Variants in EPB41L5 observed in about 807,000 individuals in gnomAD.
The protein encoded by EPB41L5 is erythrocyte membrane protein band 4.1 like 5.
EPB41L5 carries 55 observed loss-of-function variants against 106.6 expected under a neutral mutation model. The ratio of observed to expected loss-of-function variants is 0.52; its 90% confidence interval spans 0.42 to 0.65. EPB41L5 has a LOEUF of 0.65. EPB41L5 is among the 30% of genes least tolerant of loss of function. The pLI is 0.00. For synonymous variants in EPB41L5, 297 were observed against 306.7 expected (o/e 0.97, Z 0.33); for missense variants, 871 against 882.1 (o/e 0.99, Z 0.16).
At chr2:120,087,351 C>A in intron 11 of EPB41L5, 111 bp downstream of exon 11, 1 of 639,372 alleles carries the variant, frequency 1.6e-6, no homozygotes, top group Non-Finnish European at 2.7e-6. Flanking sequence ...CCACAGAATG[C>A]AAACAGTATA....
chr2:120,053,344 TAAAAA>T (rs962750093), intron 3 of EPB41L5, among the ~76,000 whole-genome samples: 2 of 151,950 alleles, frequency 1.3e-5, no homozygotes, highest in Non-Finnish European at 2.9e-5. Context: ...GTAGGCCACT[TAAAAA>T]AAAGACAATT....
At chr2:120,091,802 A>G (rs1683430086) in intron 13 of EPB41L5, 141 bp downstream of exon 13, 2 of 634,928 alleles carry the variant, frequency 3.1e-6, no homozygotes, top group Non-Finnish European at 5.5e-6. Context: ...GGCAGAATCA[A>G]TTTCATGGGA....
At chr2:120,122,129 T>C (rs1020916927) in intron 16 of EPB41L5, among the ~76,000 whole-genome samples, 4 of 152,252 alleles carry the variant, frequency 2.6e-5, no homozygotes, top group Non-Finnish European at 5.9e-5. Flanking sequence ...GTAGGTTGCC[T>C]GTTCACTCTG....
At chr2:120,068,576 A>C (rs1022321304) in intron 3 of EPB41L5, among the ~76,000 whole-genome samples, 1 of 152,222 alleles carries the variant, frequency 6.6e-6, no homozygotes, top group African/African-American at 2.4e-5. Context: ...CTCACAGTAT[A>C]AACAAAGCCG....
At chr2:120,060,344 CA>C (rs1680948856) in intron 3 of EPB41L5, among the ~76,000 whole-genome samples, 1 of 152,076 alleles carries the variant, frequency 6.6e-6, no homozygotes, top group Admixed American at 6.5e-5. Context: ...TTTGTAGTAG[CA>C]AAAAACTTGA....
intron 2 of EPB41L5, among the ~76,000 whole-genome samples, chr2:120,033,449 T>C (rs1678844810): frequency 6.6e-6 from 1 of 152,174 alleles, no homozygotes; most frequent in African/African-American, 2.4e-5. Flanking sequence ...GGCTCATGCC[T>C]GTAATCCCAG....
chr2:120,060,076 T>A (rs1680931406), intron 3 of EPB41L5, among the ~76,000 whole-genome samples: 1 of 152,232 alleles, frequency 6.6e-6, no homozygotes, highest in Non-Finnish European at 1.5e-5. Context: ...ACTACACATC[T>A]ATCAAAACAG....
intron 14 of EPB41L5, among the ~76,000 whole-genome samples, chr2:120,096,663 G>A (rs1192298697): frequency 1.3e-5 from 2 of 152,050 alleles, no homozygotes; most frequent in African/African-American, 2.4e-5. Context: ...GGTGGTGCGC[G>A]CCTGTAATCC....
At chr2:120,149,299 A>T (rs1333265480) in intron 20 of EPB41L5, among the ~76,000 whole-genome samples, 1 of 152,200 alleles carries the variant, frequency 6.6e-6, no homozygotes, top group East Asian at 1.9e-4. Context: ...TATTTAGTAC[A>T]TACAACCACC....
At chr2:120,134,089 G>A (rs1410179990) in intron 18 of EPB41L5, among the ~76,000 whole-genome samples, 2 of 151,984 alleles carry the variant, frequency 1.3e-5, no homozygotes, top group Non-Finnish European at 2.9e-5. Flanking sequence ...TTGGGTCAGT[G>A]GTTTCCAGGC....
rs1034489 is a variant in EPB41L5 at position 120,127,734 on chromosome 2, G to A, written c.1384G>A (p.Ala462Thr). The change falls in exon 17 of 25, where the codon GCA (alanine) becomes ACA (threonine). Residue 462 changes from alanine (A) to threonine (T), a missense_variant. By Grantham distance (58) the Ala-to-Thr change is moderately conservative (BLOSUM62 0). Coordinates refer to ENST00000263713, the MANE Select transcript of EPB41L5 (RefSeq NM_020909.4). ...DLLNSPDLLE[A>T]TIGDVIGASD... ...GCTGAATAGCCCAGACTTATTGGAAGCAACGATTGGTGATGTAATTGGGGC... is the reference window on the plus strand; with the variant it reads ...GCTGAATAGCCCAGACTTATTGGAAACAACGATTGGTGATGTAATTGGGGC... 1,124,247 of 1,612,402 alleles carry A rather than the reference G, an allele frequency of 0.7. 396,138 individuals are homozygous for A. Among genetic ancestry groups the A allele is most frequent in the Middle Eastern group, 0.73 (4,396 of 6,056 alleles).
chr2:120,170,235 G>A (rs1296294491), intron 24 of EPB41L5, among the ~76,000 whole-genome samples: 1 of 152,218 alleles, frequency 6.6e-6, no homozygotes, highest in East Asian at 1.9e-4. Context: ...TGTATTAATT[G>A]TCTACTTCTG....
intron 3 of EPB41L5, among the ~76,000 whole-genome samples, chr2:120,062,595 TTTC>T (rs1360528372): frequency 6.6e-6 from 1 of 152,224 alleles, no homozygotes; most frequent in African/African-American, 2.4e-5. Context: ...AACAGTATGT[TTTC>T]TTTTATCTAG....
At chr2:120,120,933 T>C (rs2105447934) in intron 16 of EPB41L5, among the ~76,000 whole-genome samples, 1 of 152,262 alleles carries the variant, frequency 6.6e-6, no homozygotes, top group East Asian at 1.9e-4. Flanking sequence ...CCGGCCAACA[T>C]GGCGAAACCC....
intron 23 of EPB41L5, 138 bp from the exon 24 acceptor site, chr2:120,167,734 TAAGAA>T: frequency 2.6e-6 from 3 of 1,161,060 alleles, no homozygotes; most frequent in Non-Finnish European, 3.7e-6. Flanking sequence ...GAAGAATAGT[TAAGAA>T]AAACAAAACA....
At chr2:120,120,411 GACA>G (rs1685159034) in intron 16 of EPB41L5, among the ~76,000 whole-genome samples, 1 of 120,950 alleles carries the variant, frequency 8.3e-6, no homozygotes, top group Non-Finnish European at 1.6e-5. Context: ...CAGCCTGGGT[GACA>G]GAGCGACACT....
At position 120,063,504 on chromosome 2, in the gene EPB41L5, C is replaced by T. The variant is rs371517604; in HGVS notation, c.286-9674C>T. ...AAGTGAATATATAACCTACATAACT[C>T]GTGAAAAAACTACCATATTACCCCT... On this transcript the variant is annotated intron_variant, in intron 3 of 24. Coordinates refer to ENST00000263713, the MANE Select transcript of EPB41L5 (RefSeq NM_020909.4). Among the ~76,000 whole-genome samples, 5 of 152,124 alleles carry T rather than the reference C, an allele frequency of 3.3e-5. No homozygotes were observed. In the East Asian group the frequency reaches 5.8e-4, roughly 18 times the overall value.
At chr2:120,022,390 G>A (rs966551292) in intron 2 of EPB41L5, among the ~76,000 whole-genome samples, 2 of 150,984 alleles carry the variant, frequency 1.3e-5, no homozygotes, top group African/African-American at 4.9e-5. Context: ...GTGTCTGTGT[G>A]TTCTCATTGT....
chr2:120,016,257 C>T (rs1212696643), intron 1 of EPB41L5, among the ~76,000 whole-genome samples: 1 of 152,084 alleles, frequency 6.6e-6, no homozygotes, highest in Non-Finnish European at 1.5e-5. Context: ...TGGTGAAACC[C>T]AGTATCTACT....
Sources: allele counts gnomAD v4.1 joint callset (sites outside exome capture counted in the v4.1 genomes callset), GRCh38; gene constraint gnomAD v4.1.1; transcripts MANE v1.5; gene names NCBI Gene and HGNC (gene_info 2026-07-23, HGNC 2026-07-21).